The following STPG2 variants were observed in gnomAD, a reference collection of about 807,000 sequenced individuals.
STPG2 encodes sperm tail PG-rich repeat containing 2.
A neutral mutation model predicts 54.2 loss-of-function variants in STPG2; 56 were observed. That is an observed-to-expected ratio of 1.03 (90% confidence interval 0.83 to 1.29). STPG2 has a LOEUF of 1.29. Ranked by LOEUF, STPG2 falls within the 50% of genes most tolerant of loss-of-function variation. The pLI is 0.00. For missense variants in STPG2, 596 were observed against 544.9 expected (o/e 1.09, Z -0.93); for synonymous variants, 200 against 181.8 (o/e 1.10, Z -0.81).
chr4:97,477,708 T>C lies in STPG2; in HGVS notation c.462+234991A>G, dbSNP rs559680909. Among the ~76,000 whole-genome samples, 16 of 151,784 alleles carry C rather than the reference T, an allele frequency of 1.1e-4. No individual in the cohort carries two copies. In the South Asian group the frequency reaches 2.9e-3, roughly 28 times the overall value. Reference sequence around the variant, plus strand: ...GGTTTCACCATGTTAGCCACGATGGTCTCAATCTCCTGACCTCGTGATCTG... The same window carrying C: ...GGTTTCACCATGTTAGCCACGATGGCCTCAATCTCCTGACCTCGTGATCTG... On this transcript the variant is annotated intron_variant, in intron 4 of 4. Transcript: ENST00000522676.
intron 9 of STPG2, among the ~76,000 whole-genome samples, chr4:97,834,171 T>C (rs1238109128): frequency 2.6e-5 from 4 of 152,122 alleles, no homozygotes; most frequent in African/African-American, 9.7e-5. Context: ...TGGGATACTA[T>C]GCAGCCATAA....
At chr4:98,023,472 C>T (rs1736301159) in intron 5 of STPG2, among the ~76,000 whole-genome samples, 1 of 152,188 alleles carries the variant, frequency 6.6e-6, no homozygotes, top group South Asian at 2.1e-4. Context: ...TTAGGCTGCT[C>T]AGGGGTCAGG....
chr4:97,503,279 T>G (rs1224153347), intron 4 of STPG2, among the ~76,000 whole-genome samples: 1 of 152,042 alleles, frequency 6.6e-6, no homozygotes, highest in Non-Finnish European at 1.5e-5. Context: ...ACCATGGAAA[T>G]AGTCAAATGC....
intron 10 of STPG2, among the ~76,000 whole-genome samples, chr4:97,685,400 C>G (rs1051902699): frequency 2.4e-4 from 36 of 152,144 alleles, no homozygotes; most frequent in African/African-American, 8.7e-4. Context: ...CGTTATCAAG[C>G]TATGGGAAGA....
At chr4:97,563,519 A>G (rs1732323068) in intron 10 of STPG2, among the ~76,000 whole-genome samples, 1 of 151,886 alleles carries the variant, frequency 6.6e-6, no homozygotes, top group Admixed American at 6.6e-5. Context: ...TAGTTCTTTT[A>G]ATTGTGATGT....
intron 10 of STPG2, among the ~76,000 whole-genome samples, chr4:97,687,578 G>A (rs1355880921): frequency 1.3e-5 from 2 of 152,026 alleles, no homozygotes; most frequent in African/African-American, 4.8e-5. Context: ...GACCCCAGGT[G>A]ATCCATCAGC....
At chr4:98,056,467 C>A (rs1048922224) in intron 5 of STPG2, among the ~76,000 whole-genome samples, 12 of 152,276 alleles carry the variant, frequency 7.9e-5, no homozygotes, top group African/African-American at 2.2e-4. Flanking sequence ...GAACTCTAAG[C>A]CTCAACAAGC....
At chr4:97,603,794 GA>G (rs1237282722) in intron 10 of STPG2, among the ~76,000 whole-genome samples, 1 of 151,598 alleles carries the variant, frequency 6.6e-6, no homozygotes, top group Non-Finnish European at 1.5e-5. Flanking sequence ...AAAATTAATA[GA>G]GACAGAAAGT....
intron 10 of STPG2, among the ~76,000 whole-genome samples, chr4:97,576,446 C>T (rs1732726147): frequency 6.6e-6 from 1 of 151,864 alleles, no homozygotes; most frequent in African/African-American, 2.4e-5. Context: ...GAATAGAGAA[C>T]CCAGAAATAA....
intron 10 of STPG2, among the ~76,000 whole-genome samples, chr4:97,601,530 G>A (rs866965142): frequency 1.3e-5 from 2 of 151,770 alleles, no homozygotes; most frequent in Non-Finnish European, 2.9e-5. Context: ...AACTCTCAAA[G>A]TCCATCTTTT....
intron 8 of STPG2, among the ~76,000 whole-genome samples, chr4:97,889,506 A>G (rs1045798487): frequency 1.4e-4 from 22 of 152,218 alleles, no homozygotes; most frequent in Non-Finnish European, 2.9e-4. Flanking sequence ...AAACCCTTCT[A>G]TTCACAGAAA....
chr4:97,536,794 C>T (rs1364780583), intron 4 of STPG2, among the ~76,000 whole-genome samples: 1 of 152,140 alleles, frequency 6.6e-6, no homozygotes, highest in Non-Finnish European at 1.5e-5. Flanking sequence ...CTAAAGGGTG[C>T]TCCATCATGG....
At chr4:98,093,013 G>A (rs1427769039) in intron 5 of STPG2, among the ~76,000 whole-genome samples, 1 of 152,066 alleles carries the variant, frequency 6.6e-6, no homozygotes, top group Non-Finnish European at 1.5e-5. Context: ...AAGGTGTTAT[G>A]TCAATAAAGA....
chr4:97,466,953 C>T (rs1267389874), intron 4 of STPG2, among the ~76,000 whole-genome samples: 1 of 151,834 alleles, frequency 6.6e-6, no homozygotes, highest in Non-Finnish European at 1.5e-5. Context: ...TTTTAGCACC[C>T]AAGCTACTAT....
intron 8 of STPG2, among the ~76,000 whole-genome samples, chr4:97,899,765 T>C (rs1304101826): frequency 6.6e-6 from 1 of 151,896 alleles, no homozygotes; most frequent in Admixed American, 6.6e-5. Context: ...AACTGGCAGC[T>C]ACATGCAGAA....
chr4:97,668,072 A>C (rs1038393704), intron 10 of STPG2, among the ~76,000 whole-genome samples: 12 of 152,286 alleles, frequency 7.9e-5, no homozygotes, highest in African/African-American at 2.6e-4. Flanking sequence ...CCAACTGCAA[A>C]AGTTTATTTA....
intron 10 of STPG2, among the ~76,000 whole-genome samples, chr4:97,692,298 G>GAA (rs70953082): frequency 0.056 from 5,085 of 90,412 alleles, 176 homozygotes; most frequent in Middle Eastern, 0.077. Context: ...TACAGGATAT[G>GAA]AAAAAAAAAA....
intron 4 of STPG2, among the ~76,000 whole-genome samples, chr4:97,519,472 G>A (rs1204547063): frequency 1.3e-5 from 2 of 151,918 alleles, no homozygotes; most frequent in Non-Finnish European, 2.9e-5. Flanking sequence ...CTCCAGCAAG[G>A]TATGGAAGGA....
chr4:97,908,624 A>C (rs1280174908), intron 8 of STPG2, among the ~76,000 whole-genome samples: 6 of 150,208 alleles, frequency 4.0e-5, no homozygotes, highest in African/African-American at 1.2e-4. Context: ...CCAAATGTCC[A>C]ACAATGATAG....
Sources: allele counts gnomAD v4.1 joint callset (sites outside exome capture counted in the v4.1 genomes callset), GRCh38; gene constraint gnomAD v4.1.1; transcripts MANE v1.5; gene names NCBI Gene and HGNC (gene_info 2026-07-23, HGNC 2026-07-21).